CDH18: variants seen among roughly 807,000 people sequenced by gnomAD.
The protein encoded by CDH18 is cadherin-18.
A neutral mutation model predicts 67.9 loss-of-function variants in CDH18; 31 were observed. The ratio of observed to expected loss-of-function variants is 0.46; its 90% confidence interval spans 0.34 to 0.62. The LOEUF is 0.62. Among genes scored for constraint, CDH18 ranks in the 20% least tolerant of loss-of-function variants. The pLI is 0.01. For synonymous variants in CDH18, 362 were observed against 347.2 expected, an observed-to-expected ratio of 1.04 and a Z score of -0.48; for missense variants, 890 against 975.5, an observed-to-expected ratio of 0.91 and a Z score of 1.17.
At chr5:20,220,650 T>C (rs1050582646) in intron 2 of CDH18, among the ~76,000 whole-genome samples, 1 of 151,940 alleles carries the variant, frequency 6.6e-6, no homozygotes, top group Non-Finnish European at 1.5e-5. Flanking sequence ...AGGAATCTTC[T>C]GCACAGCAAG....
intron 2 of CDH18, among the ~76,000 whole-genome samples, chr5:20,202,828 T>C (rs1181058190): frequency 6.6e-6 from 1 of 152,064 alleles, no homozygotes; most frequent in Non-Finnish European, 1.5e-5. Flanking sequence ...CACATACCTA[T>C]ATTAATAATA....
intron 2 of CDH18, among the ~76,000 whole-genome samples, chr5:19,939,850 T>C (rs1198743739): frequency 6.6e-6 from 1 of 151,902 alleles, no homozygotes; most frequent in African/African-American, 2.4e-5. Flanking sequence ...ACTCATCAAT[T>C]TAAAGGAGAC....
At chr5:20,533,332 CA>C (rs1417851117) in intron 1 of CDH18, among the ~76,000 whole-genome samples, 1 of 152,026 alleles carries the variant, frequency 6.6e-6, no homozygotes, top group Admixed American at 6.6e-5. Flanking sequence ...TACTGTCTTA[CA>C]GTTCTTCAGG....
chr5:20,334,417 G>A (rs566077990), intron 1 of CDH18, among the ~76,000 whole-genome samples: 3 of 151,924 alleles, frequency 2.0e-5, no homozygotes, highest in African/African-American at 4.8e-5. Flanking sequence ...GATTACAGGC[G>A]TGAGCCACCG....
At chr5:20,409,911 G>A (rs1466270824) in intron 1 of CDH18, among the ~76,000 whole-genome samples, 1 of 151,224 alleles carries the variant, frequency 6.6e-6, no homozygotes, top group East Asian at 1.9e-4. Flanking sequence ...TAAATTACTG[G>A]AAATATACAA....
intron 1 of CDH18, among the ~76,000 whole-genome samples, chr5:20,476,043 CTG>C (rs1214361594): frequency 6.6e-6 from 1 of 152,166 alleles, no homozygotes; most frequent in Non-Finnish European, 1.5e-5. Flanking sequence ...CTCTCTGTCT[CTG>C]TGACATAATT....
chr5:20,302,715 T>C lies in CDH18; in HGVS notation c.-579-47210A>G, dbSNP rs528846895. Among the ~76,000 whole-genome samples the C allele has an allele frequency of 7.2e-5, 11 of 152,316 alleles. No individual in the cohort carries two copies. The East Asian group carries it at 1.5e-3, about 21-fold the overall frequency. ...TCCGCAATTATTCAGACTACTCTTTTCTAAATGAGAATGCGCTACGCACTG... is the reference window on the plus strand; with the variant it reads ...TCCGCAATTATTCAGACTACTCTTTCCTAAATGAGAATGCGCTACGCACTG... On this transcript the variant is annotated intron_variant, in intron 1 of 14. Coordinates refer to the CDH18 transcript ENST00000507958.
intron 3 of CDH18, among the ~76,000 whole-genome samples, chr5:19,835,028 C>A (rs1561403394): frequency 6.6e-6 from 1 of 152,030 alleles, no homozygotes; most frequent in East Asian, 1.9e-4. Context: ...TGGATATATA[C>A]CCAAAGGACT....
intron 2 of CDH18, among the ~76,000 whole-genome samples, chr5:20,123,631 T>C (rs1748561254): frequency 6.6e-6 from 1 of 152,142 alleles, no homozygotes; most frequent in African/African-American, 2.4e-5. Context: ...CTCACGCCTG[T>C]AATCCCAGCA....
intron 1 of CDH18, among the ~76,000 whole-genome samples, chr5:20,569,590 A>G (rs1758696854): frequency 6.6e-6 from 1 of 152,128 alleles, no homozygotes; most frequent in African/African-American, 2.4e-5. Context: ...CAGCCTGGGC[A>G]ACAGAGCAAG....
intron 2 of CDH18, among the ~76,000 whole-genome samples, chr5:20,190,804 C>G (rs1265501155): frequency 6.6e-6 from 1 of 152,126 alleles, no homozygotes; most frequent in Non-Finnish European, 1.5e-5. Flanking sequence ...AAATCTGATA[C>G]ATTTCCTTCC....
chr5:20,516,700 A>G (rs1376334600), intron 1 of CDH18, among the ~76,000 whole-genome samples: 1 of 151,906 alleles, frequency 6.6e-6, no homozygotes, highest in African/African-American at 2.4e-5. Flanking sequence ...ATTGTTAGAA[A>G]ATTAGAGACT....
intron 1 of CDH18, among the ~76,000 whole-genome samples, chr5:20,421,833 T>TAC (rs909908553): frequency 2.3e-4 from 34 of 150,104 alleles, no homozygotes; most frequent in Non-Finnish European, 2.4e-4. Flanking sequence ...CAATCATATA[T>TAC]ATATATATAC....
At chr5:20,490,377 C>T (rs1312352292) in intron 1 of CDH18, among the ~76,000 whole-genome samples, 1 of 152,006 alleles carries the variant, frequency 6.6e-6, no homozygotes, top group Non-Finnish European at 1.5e-5. Context: ...TGAGACAATG[C>T]TGGGGTTTAG....
chr5:20,162,307 T>C (rs947433912), intron 2 of CDH18, among the ~76,000 whole-genome samples: 3 of 151,698 alleles, frequency 2.0e-5, no homozygotes, highest in Non-Finnish European at 4.4e-5. Flanking sequence ...GTTTTCTCTT[T>C]TTAATTTTAC....
intron 1 of CDH18, among the ~76,000 whole-genome samples, chr5:20,300,521 T>C (rs1747893596): frequency 6.6e-6 from 1 of 152,110 alleles, no homozygotes; most frequent in Non-Finnish European, 1.5e-5. Flanking sequence ...GCTTTCAAGA[T>C]ACTACTGTTC....
intron 1 of CDH18, among the ~76,000 whole-genome samples, chr5:20,276,670 G>A (rs993969438): frequency 2.0e-5 from 3 of 152,184 alleles, no homozygotes; most frequent in Admixed American, 6.5e-5. Flanking sequence ...CTGCAGCTTA[G>A]GTATCAGCTT....
At chr5:19,692,253 A>C (rs1761988700) in intron 5 of CDH18, among the ~76,000 whole-genome samples, 1 of 152,124 alleles carries the variant, frequency 6.6e-6, no homozygotes. Flanking sequence ...AAAGACTTAC[A>C]CTTAGGACCC....
intron 2 of CDH18, among the ~76,000 whole-genome samples, chr5:19,890,168 T>G (rs961166160): frequency 2.6e-5 from 4 of 152,156 alleles, no homozygotes; most frequent in African/African-American, 9.6e-5. Context: ...ATCTGTTTTC[T>G]GTGCTGTTAC....
Sources: allele counts gnomAD v4.1 joint callset (sites outside exome capture counted in the v4.1 genomes callset), GRCh38; gene constraint gnomAD v4.1.1; transcripts MANE v1.5; gene names NCBI Gene and HGNC (gene_info 2026-07-23, HGNC 2026-07-21).